Variants in PRKCA observed in about 807,000 individuals in gnomAD.
The protein encoded by PRKCA is protein kinase C alpha type.
PRKCA carries 27 observed loss-of-function variants against 87.0 expected under a neutral mutation model. That is an observed-to-expected ratio of 0.31 (90% CI 0.23 to 0.43). The LOEUF is 0.43. Among genes scored for constraint, PRKCA ranks in the 20% least tolerant of loss-of-function variants. PRKCA has a pLI of 1.00. For missense variants in PRKCA, 518 were observed against 852.3 expected (o/e 0.61, Z 4.88); for synonymous variants, 329 against 311.1 (o/e 1.06, Z -0.61).
chr17:66,488,207 G>T (rs1197976554), intron 2 of PRKCA, among the ~76,000 whole-genome samples: 2 of 152,118 alleles, frequency 1.3e-5, no homozygotes, highest in African/African-American at 2.4e-5. Flanking sequence ...AATTCTTTCT[G>T]TGGAAAGTAC....
intron 16 of PRKCA, among the ~76,000 whole-genome samples, chr17:66,800,047 A>G (rs1159100456): frequency 6.6e-6 from 1 of 152,116 alleles, no homozygotes; most frequent in Non-Finnish European, 1.5e-5. Context: ...GTTTCTTGCT[A>G]AGACACACCC....
chr17:66,467,856 C>T (rs1915153621), intron 2 of PRKCA, among the ~76,000 whole-genome samples: 1 of 151,892 alleles, frequency 6.6e-6, no homozygotes, highest in Admixed American at 6.6e-5. Flanking sequence ...CTGCGTCTGG[C>T]CTTGGTTGTA....
chr17:66,681,888 A>G lies in PRKCA; in HGVS notation c.530-5223A>G, dbSNP rs191184933. Among the ~76,000 whole-genome samples, 364 of 152,344 alleles carry G rather than the reference A, an allele frequency of 2.4e-3. 2 individuals are homozygous for G. Among genetic ancestry groups the G allele is most frequent in the Middle Eastern group, 0.01 (3 of 294 alleles). ...GCACCTTGCTTCTCTCAGGGAAAGC[A>G]TAGCGGTCACTCCCGCCTGGCTTCC... On this transcript the variant is annotated intron_variant, in intron 5 of 16. Coordinates refer to ENST00000413366, the MANE Select transcript of PRKCA (RefSeq NM_002737.3).
chr17:66,577,571 C>T (rs1169920549), intron 3 of PRKCA, among the ~76,000 whole-genome samples: 1 of 152,194 alleles, frequency 6.6e-6, no homozygotes, highest in Non-Finnish European at 1.5e-5. Context: ...TGGCCTGCTT[C>T]AGACCTAGAG....
intron 3 of PRKCA, among the ~76,000 whole-genome samples, chr17:66,524,288 G>A (rs1980119): frequency 0.32 from 49,281 of 152,094 alleles, 8,224 homozygotes; most frequent in South Asian, 0.49. Context: ...TGTTGCTTGC[G>A]ATTCAGATTC....
chr17:66,365,525 G>A (rs1908659487), intron 2 of PRKCA, among the ~76,000 whole-genome samples: 1 of 152,166 alleles, frequency 6.6e-6, no homozygotes, highest in Non-Finnish European at 1.5e-5. Context: ...TCCCTTTACT[G>A]ATGATTTTAC....
At chr17:66,786,691 G>A (rs1041491254) in intron 14 of PRKCA, among the ~76,000 whole-genome samples, 176 bp from the exon 15 acceptor site, 12 of 152,126 alleles carry the variant, frequency 7.9e-5, no homozygotes, top group African/African-American at 1.9e-4. Flanking sequence ...ACACACAACC[G>A]TCAATCTCAT....
chr17:66,794,631 T>G (rs559498241), intron 16 of PRKCA, among the ~76,000 whole-genome samples: 10 of 150,830 alleles, frequency 6.6e-5, no homozygotes, highest in Admixed American at 6.6e-4. Context: ...TTTGTTTTTT[T>G]TTTTTTTGAG....
chr17:66,304,989 T>C (rs1015840234), intron 1 of PRKCA, among the ~76,000 whole-genome samples: 61 of 152,248 alleles, frequency 4.0e-4, no homozygotes, highest in African/African-American at 1.4e-3. Flanking sequence ...GCTATTGTCT[T>C]TCCACTATCA....
At chr17:66,306,396 C>T (rs1317272246) in intron 2 of PRKCA, 2 of 353,496 alleles carry the variant, frequency 5.7e-6, no homozygotes, top group Non-Finnish European at 1.0e-5. Flanking sequence ...AAACTGCTGT[C>T]TTTGTGTGGG....
At chr17:66,467,868 T>A (rs1369333891) in intron 2 of PRKCA, among the ~76,000 whole-genome samples, 2 of 151,892 alleles carry the variant, frequency 1.3e-5, no homozygotes, top group Non-Finnish European at 2.9e-5. Context: ...TTGGTTGTAC[T>A]TAAAAAACAA....
At chr17:66,565,045 A>C (rs1342263848) in intron 3 of PRKCA, among the ~76,000 whole-genome samples, 1 of 152,160 alleles carries the variant, frequency 6.6e-6, no homozygotes, top group African/African-American at 2.4e-5. Context: ...GGAAAGACAA[A>C]GGAGGCTTTA....
At chr17:66,499,075 G>A (rs1013772593) in intron 3 of PRKCA, among the ~76,000 whole-genome samples, 1 of 152,148 alleles carries the variant, frequency 6.6e-6, no homozygotes, top group African/African-American at 2.4e-5. Flanking sequence ...GCCTGACGCT[G>A]GGAGTCAGTT....
At chr17:66,346,641 ATAT>A (rs2143393350) in intron 2 of PRKCA, among the ~76,000 whole-genome samples, 1 of 152,320 alleles carries the variant, frequency 6.6e-6, no homozygotes, top group Non-Finnish European at 1.5e-5. Flanking sequence ...CTTATTAGAA[ATAT>A]TATGTCCTAT....
intron 2 of PRKCA, among the ~76,000 whole-genome samples, chr17:66,336,616 G>A (rs1233561725): frequency 2.3e-5 from 2 of 87,834 alleles, no homozygotes; most frequent in Admixed American, 2.0e-4. Context: ...TGGTGGGGGA[G>A]TAATTTAAAA....
chr17:66,788,081 G>T (rs896653746), intron 15 of PRKCA, among the ~76,000 whole-genome samples: 3 of 152,232 alleles, frequency 2.0e-5, no homozygotes, highest in Non-Finnish European at 4.4e-5. Context: ...GAATAGAGTT[G>T]CTGGTCATGA....
At chr17:66,331,905 T>A (rs1295619522) in intron 2 of PRKCA, among the ~76,000 whole-genome samples, 4 of 152,384 alleles carry the variant, frequency 2.6e-5, no homozygotes, top group East Asian at 3.9e-4. Context: ...AGACTTTTCC[T>A]TGATGGAAAC....
At chr17:66,475,128 C>A (rs548699400) in intron 2 of PRKCA, among the ~76,000 whole-genome samples, 1 of 152,306 alleles carries the variant, frequency 6.6e-6, no homozygotes, top group South Asian at 2.1e-4. Context: ...ATCCCCTACT[C>A]CTCTTAGGAA....
chr17:66,484,092 A>G (rs961656982), intron 2 of PRKCA, among the ~76,000 whole-genome samples: 5 of 152,194 alleles, frequency 3.3e-5, no homozygotes, highest in African/African-American at 9.6e-5. Context: ...GTGTCAGGCA[A>G]GAAAGAGAAG....
Sources: gnomAD v4.1 joint callset for allele counts (sites outside exome capture counted in the v4.1 genomes callset) on GRCh38, gnomAD v4.1.1 for gene constraint, MANE v1.5 for transcripts, NCBI Gene and HGNC (gene_info 2026-07-23, HGNC 2026-07-21) for gene names.